ZNF557: variants seen among roughly 807,000 people sequenced by gnomAD.
The protein encoded by ZNF557 is CTB-25J19.9.
In ZNF557, 19 loss-of-function variants were observed where a neutral mutation model predicts 21.2. The observed-to-expected ratio is 0.90, with a 90% CI of 0.63 to 1.32. The LOEUF (loss-of-function observed/expected upper bound fraction) is 1.32, where lower values mean the gene tolerates loss of function less well. Ranked by LOEUF, ZNF557 falls within the 40% of genes most tolerant of loss-of-function variation. ZNF557 has a pLI of 0.00. For missense variants in ZNF557, 487 were observed against 519.8 expected (o/e 0.94, Z 0.61); for synonymous variants, 207 against 194.8 (o/e 1.06, Z -0.52).
chr19:7,076,369 G>A lies in ZNF557; in HGVS notation c.121-12G>A. The A allele has an allele frequency of 6.2e-7, 1 of 1,614,184 alleles. No individual in the cohort carries two copies. Among genetic ancestry groups the A allele is most frequent in the Non-Finnish European group, 8.5e-7 (1 of 1,180,032 alleles). On this transcript the variant is annotated splice_polypyrimidine_tract_variant and intron_variant, in intron 4 of 7. Transcript: ENST00000252840. ...GGTCCTTGGCTAAGCCGTGATGTTT[G>A]CAATGCTTTAGGGCTTGGTGACCTT...
chr19:7,079,660 A>G (rs761078169), intron 5 of ZNF557, among the ~76,000 whole-genome samples: 140 of 151,800 alleles, frequency 9.2e-4, no homozygotes, highest in Non-Finnish European at 1.9e-3. Context: ...TGTAGTTGGT[A>G]TTGTTTCTTT....
At position 7,083,084 on chromosome 19, in the gene ZNF557, T is replaced by C. The variant is rs759586662; in HGVS notation, c.633T>C (p.Asn211=). 1.2e-6 allele frequency: 2 copies of C among 1,613,980 alleles called. No homozygotes were observed. Among genetic ancestry groups the C allele is most frequent in the East Asian group, 2.2e-5 (1 of 44,894 alleles). The change falls in exon 8 of 8, where the codon AAT becomes AAC. Residue 211 remains asparagine, a synonymous_variant. Transcript: ENST00000252840. The stretch of plus-strand genomic sequence containing the variant: ...ATGGGGAGAAACCCTATGAATGCAA[T>C]GACTGTGGGAAAACCTTCAGCAGCA... ...IHNGEKPYEC[N]DCGKTFSSRS... is the part of the protein sequence containing the mutation.
In ZNF557 at chr19:7,084,684, T is replaced by G. The variant is rs1379549715; in HGVS notation, c.*940T>G. On this transcript the variant is annotated 3_prime_UTR_variant, in exon 8 of 8. Transcript: ENST00000252840. ...TAAACTGATCAATATGGGAGTAGCA[T>G]TCAATCACCCACAGGTTAACTCACT... 1 of 152,138 alleles carries G rather than the reference T, an allele frequency of 6.6e-6. No individual in the cohort carries two copies. Among genetic ancestry groups the G allele is most frequent in the African/African-American group, 2.4e-5 (1 of 41,418 alleles). 9.4% of individuals were successfully genotyped at this position (152,138 alleles called of 1,614,324 possible).
In ZNF557 at chr19:7,085,336, C is replaced by G. The variant is rs778956642; in HGVS notation, c.*1592C>G. ...TGTAGGCATGCACCACCATGCCTGT[C>G]TAGTTTTTGTAAAGATGGGGATTCA... On this transcript the variant is annotated 3_prime_UTR_variant, in exon 8 of 8. Coordinates refer to ENST00000252840, the MANE Select transcript of ZNF557 (RefSeq NM_024341.3). 6 of 152,056 alleles carry G rather than the reference C, an allele frequency of 3.9e-5. No homozygotes were observed. The highest frequency in any genetic ancestry group is 8.8e-5 in the Non-Finnish European group (6 of 68,030). 9.4% of individuals were successfully genotyped at this position (152,056 alleles called of 1,614,324 possible). A position where few individuals can be genotyped will look rare whatever the true frequency, so the allele number is the denominator to read the frequency against.
rs1977771960 is a variant in ZNF557, at chr19:7,083,675, T to C, written c.1224T>C (p.Tyr408=). 6.2e-7 allele frequency: 1 copy of C among 1,613,960 alleles called. No individual in the cohort carries two copies. Among genetic ancestry groups the C allele is most frequent in the Admixed American group, 1.7e-5 (1 of 59,990 alleles). The part of the protein sequence containing the change: ...HTGKKPYECN[Y]CGKSFTSNSY... ...GAAAAAAACCCTATGAATGTAATTA[T>C]TGCGGGAAATCCTTCACAAGTAACT... The change falls in exon 8 of 8, where the codon TAT becomes TAC. Residue 408 remains tyrosine, a synonymous_variant. Transcript: ENST00000252840.
Position 7,083,597 on chromosome 19 carries a change from A to G in ZNF557, c.1146A>G (p.Gly382=), listed in dbSNP as rs756344218. ...GEKSYECSDC[G]KSFNVLSSVK... is the part of the protein sequence containing the mutation. ...AATCCTATGAGTGCAGTGATTGTGG[A>G]AAATCCTTTAATGTTCTCTCATCCG... Residue 382 remains glycine (G), a synonymous_variant, in exon 8 of 8, where the codon GGA becomes GGG. Transcript: ENST00000252840. 1.9e-6 allele frequency: 3 copies of G among 1,614,098 alleles called. No homozygotes were observed. Among genetic ancestry groups the G allele is most frequent in the South Asian group, 1.1e-5 (1 of 91,086 alleles).
At chr19:7,081,144 T>C (rs999370982) in intron 5 of ZNF557, among the ~76,000 whole-genome samples, 1 of 147,078 alleles carries the variant, frequency 6.8e-6, no homozygotes, top group Admixed American at 6.9e-5. Flanking sequence ...TAGATATTGC[T>C]TGTGGGGTGT....
At position 7,087,326 on chromosome 19, in the gene ZNF557, A is replaced by C. The variant is rs1350056104; in HGVS notation, c.*3582A>C. The C allele has an allele frequency of 6.8e-6, 1 of 146,858 alleles. No homozygotes were observed. The highest frequency in any genetic ancestry group is 1.5e-5 in the Non-Finnish European group (1 of 67,310). 9.1% of individuals were successfully genotyped at this position (146,858 alleles called of 1,614,324 possible). On this transcript the variant is annotated 3_prime_UTR_variant, in exon 8 of 8. Coordinates refer to ENST00000252840, the MANE Select transcript of ZNF557 (RefSeq NM_024341.3). The stretch of plus-strand genomic sequence containing the variant: ...GAGGCCAAGGCAGGCGGATCACCTG[A>C]GGTGGGGAGTTCGAGACCAGCCTGA...
rs1977456044 is a variant in ZNF557, at chr19:7,071,495, C to T, written c.-80+842C>T. Among the ~76,000 whole-genome samples the T allele has an allele frequency of 2.0e-5, 3 of 152,170 alleles. No individual in the cohort carries two copies. The South Asian group carries it at 6.2e-4, about 31-fold the overall frequency. ...GAAAGCCCTGCTGGGCGGCATTGTT[C>T]TAGTCTCTTCCCATCTGTCCATTGC... On this transcript the variant is annotated intron_variant, in intron 2 of 7. Coordinates refer to ENST00000252840, the MANE Select transcript of ZNF557 (RefSeq NM_024341.3).
Position 7,083,054 on chromosome 19 carries a change from C to T in ZNF557, c.603C>T (p.Ile201=). Residue 201 remains isoleucine, a synonymous_variant, in exon 8 of 8, where the codon ATC becomes ATT. Transcript: ENST00000252840. ...SRSYLAVHKR[I]HNGEKPYECN... is the part of the protein sequence containing the mutation. ...CTTACCTTGCTGTTCATAAGAGAAT[C>T]CACAATGGGGAGAAACCCTATGAAT... The T allele has an allele frequency of 6.2e-7, 1 of 1,613,890 alleles. No homozygotes were observed. The highest frequency in any genetic ancestry group is 1.1e-5 in the South Asian group (1 of 91,062).
rs1005459313 is a variant in ZNF557 at position 7,084,977 on chromosome 19, C to T, written c.*1233C>T. 1 of 152,036 alleles carries T rather than the reference C, an allele frequency of 6.6e-6. No individual in the cohort carries two copies. The allele number at this position is 152,036 out of a possible 1,614,324, so 9.4% of individuals were successfully genotyped here. ...AACAGAGGAATATGTTGAGTATACACAGTGTTGAAAAGCCTGTGACACAAA... is the reference window on the plus strand; with the variant it reads ...AACAGAGGAATATGTTGAGTATACATAGTGTTGAAAAGCCTGTGACACAAA... On this transcript the variant is annotated 3_prime_UTR_variant, in exon 8 of 8. Coordinates refer to ENST00000252840, the MANE Select transcript of ZNF557 (RefSeq NM_024341.3).
intron 4 of ZNF557, 87 bp from the exon 5 acceptor site, chr19:7,076,294 G>C (rs1977586114): frequency 6.2e-7 from 1 of 1,613,404 alleles, no homozygotes; most frequent in Non-Finnish European, 8.5e-7. Context: ...GGTTTCCCCA[G>C]CCCTGGCTCT....
intron 2 of ZNF557, among the ~76,000 whole-genome samples, chr19:7,074,480 T>G (rs1348837232): frequency 1.3e-5 from 2 of 151,884 alleles, no homozygotes; most frequent in Non-Finnish European, 2.9e-5. Context: ...CTCTTTTTTT[T>G]TTAATGGGTG....
Position 7,083,082 on chromosome 19 carries a change from A to G in ZNF557, c.631A>G (p.Asn211Asp), listed in dbSNP as rs766545928. 19 of 1,614,030 alleles carry G rather than the reference A, an allele frequency of 1.2e-5. No individual in the cohort carries two copies. In the Admixed American group the frequency reaches 1.8e-4, roughly 16 times the overall value. Reference sequence around the variant, plus strand: ...CAATGGGGAGAAACCCTATGAATGCAATGACTGTGGGAAAACCTTCAGCAG... The same window carrying G: ...CAATGGGGAGAAACCCTATGAATGCGATGACTGTGGGAAAACCTTCAGCAG... ...IHNGEKPYEC[N>D]DCGKTFSSRS... The change falls in exon 8 of 8, where the codon AAT (asparagine) becomes GAT (aspartate). Residue 211 changes from asparagine (N) to aspartate (D), a missense_variant. Transcript: ENST00000252840.
chr19:7,073,124 A>G (rs538312944), intron 2 of ZNF557, among the ~76,000 whole-genome samples: 11 of 150,944 alleles, frequency 7.3e-5, no homozygotes, highest in Non-Finnish European at 1.0e-4. Flanking sequence ...CTGTAGAGAA[A>G]TAATACAGAT....
At chr19:7,079,905 C>T (rs1322300289) in intron 5 of ZNF557, among the ~76,000 whole-genome samples, 1 of 152,222 alleles carries the variant, frequency 6.6e-6, no homozygotes, top group Non-Finnish European at 1.5e-5. Flanking sequence ...CCTTCAGTTC[C>T]TTCTTATGCA....
At chr19:7,077,508 G>A (rs960706592) in intron 5 of ZNF557, among the ~76,000 whole-genome samples, 3 of 152,070 alleles carry the variant, frequency 2.0e-5, no homozygotes, top group Non-Finnish European at 2.9e-5. Flanking sequence ...ATATTATTCC[G>A]TTATGTGTAT....
chr19:7,087,372 C>A lies in ZNF557; in HGVS notation c.*3628C>A, dbSNP rs1287819540. 6.6e-6 allele frequency: 1 copy of A among 151,260 alleles called. No individual in the cohort carries two copies. Among genetic ancestry groups the A allele is most frequent in the Non-Finnish European group, 1.5e-5 (1 of 67,794 alleles). The allele number at this position is 151,260 out of a possible 1,614,324, so 9.4% of individuals were successfully genotyped here. ...CCTGATCAACATGGAGAAAACCTGT[C>A]TCTCCTAAAAATACAAAATTAACCG... On this transcript the variant is annotated 3_prime_UTR_variant, in exon 8 of 8. Transcript: ENST00000252840.
intron 6 of ZNF557, 39 bp downstream of exon 6, chr19:7,081,494 C>A: frequency 7.1e-7 from 1 of 1,400,288 alleles, no homozygotes; most frequent in Non-Finnish European, 1.0e-6. Context: ...TGAGGAACAG[C>A]TCTGGCCAGG....
Sources: allele counts gnomAD v4.1 joint callset (sites outside exome capture counted in the v4.1 genomes callset), GRCh38; gene constraint gnomAD v4.1.1; transcripts MANE v1.5; gene names NCBI Gene and HGNC (gene_info 2026-07-23, HGNC 2026-07-21).